Variants in DOCK2 observed in about 807,000 individuals in gnomAD.
DOCK2 encodes the protein dedicator of cytokinesis 2.
In DOCK2, 87 loss-of-function variants were observed where a neutral mutation model predicts 248.9. That is an observed-to-expected ratio of 0.35 (90% CI 0.29 to 0.42). DOCK2 has a LOEUF of 0.42. Ranked by LOEUF, DOCK2 falls within the 10% of genes least tolerant of loss-of-function variation. The pLI, the probability that DOCK2 is intolerant of heterozygous loss-of-function variation, is 1.00. For synonymous variants in DOCK2, 805 were observed against 821.6 expected (o/e 0.98, Z 0.35); for missense variants, 1,747 against 2,300.2 (o/e 0.76, Z 4.92).
chr5:169,983,336 T>C (rs979926116), intron 28 of DOCK2, among the ~76,000 whole-genome samples, 170 bp downstream of exon 28: 1 of 152,120 alleles, frequency 6.6e-6, no homozygotes. Flanking sequence ...ACTGTTAGAG[T>C]CATACATTCT....
At chr5:169,702,090 T>G (rs1761001799) in intron 13 of DOCK2, 1 of 407,696 alleles carries the variant, frequency 2.5e-6, no homozygotes, top group Non-Finnish European at 4.3e-6. Context: ...CTTCCCTTTT[T>G]GCAACTGATT....
intron 27 of DOCK2, among the ~76,000 whole-genome samples, chr5:169,907,899 G>A (rs976736089): frequency 6.6e-6 from 1 of 152,178 alleles, no homozygotes; most frequent in Non-Finnish European, 1.5e-5. Flanking sequence ...CACAGGAACC[G>A]TTGGCCAGTC....
chr5:169,881,398 G>A (rs1772638723), intron 27 of DOCK2: 2 of 1,551,518 alleles, frequency 1.3e-6, no homozygotes, highest in Non-Finnish European at 1.7e-6. Context: ...GTTCTGGCAG[G>A]TACTGCAATT....
chr5:169,811,243 C>T (rs533350838), intron 26 of DOCK2, among the ~76,000 whole-genome samples: 14 of 152,332 alleles, frequency 9.2e-5, no homozygotes, highest in Non-Finnish European at 1.8e-4. Flanking sequence ...AGTGCATCCC[C>T]TGTGGCCACT....
chr5:169,789,994 A>ACAAC (rs1766227340), intron 25 of DOCK2, among the ~76,000 whole-genome samples: 2 of 152,136 alleles, frequency 1.3e-5, no homozygotes, highest in Non-Finnish European at 1.5e-5. Context: ...TAGGTTTTAA[A>ACAAC]TCTGTGGAGC....
In DOCK2 at chr5:169,782,864, CAT is replaced by C. The variant is rs145753932; in HGVS notation, c.2555-20193_2555-20192del. On this transcript the variant is annotated intron_variant, in intron 25 of 51. Coordinates refer to ENST00000520908, the MANE Select transcript of DOCK2 (RefSeq NM_004946.3). ...TGGCTCTCTGACATATCAAATTCCA[CAT>C]GTGATAGTTGGAGCCACATTTTTGA... Among the ~76,000 whole-genome samples, 429 of 152,324 alleles carry C rather than the reference CAT, an allele frequency of 2.8e-3. 19 individuals carry two copies. The East Asian group carries it at 0.068, about 24-fold the overall frequency.
chr5:169,706,583 G>T (rs1761280222), intron 14 of DOCK2, among the ~76,000 whole-genome samples: 1 of 152,224 alleles, frequency 6.6e-6, no homozygotes, highest in South Asian at 2.1e-4. Context: ...ACTCTAAATG[G>T]TTAGAAAGAC....
intron 15 of DOCK2, among the ~76,000 whole-genome samples, chr5:169,708,621 GT>G (rs1197067018): frequency 6.6e-6 from 1 of 150,742 alleles, no homozygotes; most frequent in Non-Finnish European, 1.5e-5. Flanking sequence ...CTGGAGTGTA[GT>G]TTTACCATCT....
chr5:169,919,938 T>C (rs754374707), intron 27 of DOCK2, among the ~76,000 whole-genome samples: 2 of 152,252 alleles, frequency 1.3e-5, no homozygotes, highest in African/African-American at 2.4e-5. Context: ...TTTTCTGAAA[T>C]TATGCCAAGT....
At chr5:169,791,642 G>A (rs1732986509) in intron 25 of DOCK2, among the ~76,000 whole-genome samples, 5 of 152,218 alleles carry the variant, frequency 3.3e-5, no homozygotes, top group Admixed American at 3.3e-4. Context: ...CGGAGTGAGT[G>A]GGGCTGGAAT....
Position 169,702,604 on chromosome 5 carries a change from C to T in DOCK2, c.1383+177C>T, listed in dbSNP as rs1761042519. On this transcript the variant is annotated intron_variant, in intron 14 of 51. Transcript: ENST00000520908. ...GTTAGTGCAGTGTTCCATAATAAGA[C>T]CTTGTGATATTTCCTTACACCAAAG... 24 of 788,116 alleles carry T rather than the reference C, an allele frequency of 3.0e-5. 1 individual carries two copies. The South Asian group carries it at 5.3e-4, about 17-fold the overall frequency. The allele number at this position is 788,116 out of a possible 1,614,324, so 48.8% of individuals were successfully genotyped here.
At chr5:169,824,148 C>A (rs1768677717) in intron 26 of DOCK2, among the ~76,000 whole-genome samples, 1 of 152,114 alleles carries the variant, frequency 6.6e-6, no homozygotes, top group Admixed American at 6.5e-5. Flanking sequence ...AAGAACATTC[C>A]ATGCTCATGG....
chr5:169,925,578 TTAAAAAAAAA>T (rs1775401372), intron 27 of DOCK2, among the ~76,000 whole-genome samples: 1 of 32,324 alleles, frequency 3.1e-5, no homozygotes. Context: ...AGACTCTGTC[TTAAAAAAAAA>T]AAAAAAAAAA....
At chr5:169,781,850 A>G (rs1256305935) in intron 25 of DOCK2, among the ~76,000 whole-genome samples, 4 of 152,136 alleles carry the variant, frequency 2.6e-5, no homozygotes, top group Admixed American at 2.6e-4. Context: ...GTTTCTCTCC[A>G]TGCAAGTGTT....
chr5:169,969,466 A>G (rs528006728), intron 27 of DOCK2, among the ~76,000 whole-genome samples: 1 of 152,300 alleles, frequency 6.6e-6, no homozygotes, highest in South Asian at 2.1e-4. Context: ...AAAAAAGAAA[A>G]AAATGAATTG....
intron 25 of DOCK2, among the ~76,000 whole-genome samples, chr5:169,765,104 C>CACACA (rs1561674785): frequency 3.3e-5 from 3 of 90,704 alleles, no homozygotes; most frequent in African/African-American, 1.4e-4. Context: ...ACACACACAC[C>CACACA]CCACACACAG....
chr5:170,050,553 G>A (rs2113852799), intron 41 of DOCK2, among the ~76,000 whole-genome samples, 156 bp downstream of exon 41: 1 of 152,300 alleles, frequency 6.6e-6, no homozygotes, highest in Non-Finnish European at 1.5e-5. Flanking sequence ...TTGGATCCAT[G>A]TTCTTTGGAT....
chr5:169,761,487 G>T (rs1460028783), intron 24 of DOCK2, 32 bp from the exon 25 acceptor site: 2 of 1,570,370 alleles, frequency 1.3e-6, no homozygotes, highest in Admixed American at 1.7e-5. Flanking sequence ...GGTCTGCCTT[G>T]CTCTACCAGC....
Position 169,836,003 on chromosome 5 carries a change from G to A in DOCK2, c.2704-4754G>A, listed in dbSNP as rs1045848697. Among the ~76,000 whole-genome samples, 4 of 152,242 alleles carry A rather than the reference G, an allele frequency of 2.6e-5. No individual in the cohort carries two copies. The South Asian group carries it at 6.2e-4, about 24-fold the overall frequency. ...ACTCATGGGCTCATGCAATCTTCCC[G>A]CCTGGGTCTCCCAAAGTGCTGGGGT... On this transcript the variant is annotated intron_variant, in intron 26 of 51. Transcript: ENST00000520908.
Sources: gnomAD v4.1 joint callset for allele counts (sites outside exome capture counted in the v4.1 genomes callset) on GRCh38, gnomAD v4.1.1 for gene constraint, MANE v1.5 for transcripts, NCBI Gene and HGNC (gene_info 2026-07-23, HGNC 2026-07-21) for gene names.